Variants in ZNF695 observed in about 807,000 individuals in gnomAD.
ZNF695 encodes the protein zinc finger protein SBZF3.
A neutral mutation model predicts 11.2 loss-of-function variants in ZNF695; 11 were observed. The ratio of observed to expected loss-of-function variants is 0.98; its 90% CI spans 0.62 to 1.62. The LOEUF (loss-of-function observed/expected upper bound fraction) is 1.62. Ranked by LOEUF, ZNF695 falls within the 40% of genes most tolerant of loss-of-function variation. The probability of loss-of-function intolerance (pLI) is 0.00; values close to 1 mark genes in which losing one functional copy is unlikely to be tolerated. For synonymous variants in ZNF695, 190 were observed against 201.4 expected (o/e 0.94, Z 0.48); for missense variants, 559 against 590.5 (o/e 0.95, Z 0.55).
At chr1:246,983,826 C>CAAAA (rs1668772228), downstream of ZNF695, among the ~76,000 whole-genome samples, 2 of 150,182 alleles carry the variant, frequency 1.3e-5, no homozygotes, top group Admixed American at 1.3e-4. Context: ...TCAAAACAAA[C>CAAAA]AAACAAACAA....
downstream of ZNF695, among the ~76,000 whole-genome samples, chr1:246,984,115 G>GCA (rs1239764376): frequency 7.5e-6 from 1 of 133,884 alleles, no homozygotes; most frequent in South Asian, 2.3e-4. Flanking sequence ...TTACACCAGT[G>GCA]CACACCAGCC....
chr1:246,983,648 T>C (rs1446329607), downstream of ZNF695, among the ~76,000 whole-genome samples: 1 of 151,800 alleles, frequency 6.6e-6, no homozygotes, highest in Non-Finnish European at 1.5e-5. Flanking sequence ...ATGAACCCCA[T>C]CTTTACTAAA....
At chr1:246,990,108 TGAAGGAAG>T (rs202245310) in intron 3 of ZNF695, among the ~76,000 whole-genome samples, 4 of 122,356 alleles carry the variant, frequency 3.3e-5, no homozygotes, top group East Asian at 2.4e-4. Context: ...AAGGAATGAA[TGAAGGAAG>T]GAAGGAAGGA....
downstream of ZNF695, among the ~76,000 whole-genome samples, chr1:246,984,588 T>C (rs1009366871): frequency 2.0e-5 from 3 of 152,238 alleles, no homozygotes; most frequent in East Asian, 5.8e-4. Flanking sequence ...ACTTCATTTA[T>C]ATGCCAAATA....
At chr1:246,945,717 T>G in exon 6 of ZNF695, 1 of 1,485,428 alleles carries the variant, frequency 6.7e-7, no homozygotes, top group Non-Finnish European at 9.2e-7. Flanking sequence ...CTGACGCAGC[T>G]GGACCCGGTG....
At chr1:246,989,803 G>A (rs1043597727) in intron 3 of ZNF695, among the ~76,000 whole-genome samples, 5 of 152,202 alleles carry the variant, frequency 3.3e-5, no homozygotes, top group African/African-American at 2.4e-5. Flanking sequence ...AGATCGTTTG[G>A]GCTTAGGAGT....
At chr1:246,981,584 C>T (rs1024753413), downstream of ZNF695, among the ~76,000 whole-genome samples, 5 of 152,138 alleles carry the variant, frequency 3.3e-5, no homozygotes, top group Admixed American at 2.6e-4. Context: ...GTCATCAGTA[C>T]AGGAACTCAG....
intron 5 of ZNF695, among the ~76,000 whole-genome samples, chr1:246,959,779 C>T (rs1668118251): frequency 6.6e-6 from 1 of 152,120 alleles, no homozygotes; most frequent in Admixed American, 6.6e-5. Context: ...CTTTTTCTTA[C>T]AATGTGCCAC....
At chr1:246,945,783 C>A in exon 6 of ZNF695, 2 of 1,550,286 alleles carry the variant, frequency 1.3e-6, no homozygotes, top group South Asian at 1.2e-5. Flanking sequence ...AGCGACGGAA[C>A]CTCCGCAGGG....
chr1:246,976,558 G>C lies in ZNF695; in HGVS notation c.391-8766C>G, dbSNP rs530080508. Among the ~76,000 whole-genome samples the C allele has an allele frequency of 1.8e-4, 28 of 152,052 alleles. No homozygotes were observed. The South Asian group carries it at 5.6e-3, about 30-fold the overall frequency. On this transcript the variant is annotated intron_variant, in intron 4 of 5. Coordinates refer to the ZNF695 transcript ENST00000487338. Reference sequence around the variant, plus strand: ...ACCTGTAATCCCAGCACTTTGGGAGGCCAAGGCGGGCAGATCACGAGGTGA... The same window carrying C: ...ACCTGTAATCCCAGCACTTTGGGAGCCCAAGGCGGGCAGATCACGAGGTGA...
rs372065018 is a variant in ZNF695, at chr1:246,987,811, A to G, written c.704T>C (p.Val235Ala). 1.4e-5 allele frequency: 23 copies of G among 1,610,338 alleles called. No homozygotes were observed. Among genetic ancestry groups the G allele is most frequent in the African/African-American group, 4.0e-5 (3 of 74,668 alleles). ...TTCACATTTGCAATGTTTCTCTCCA[A>G]CATGAATTCTCTTACAGTCAGTAAA... ...SCFTDCKRIH[V>A]GEKHCKCEEC... The change falls in exon 4 of 4, where the codon GTT (valine) becomes GCT (alanine). Residue 235 changes from valine to alanine, a missense_variant. Physicochemically the swap from Val to Ala is moderately conservative, Grantham distance 64 (BLOSUM62 0). Coordinates refer to ENST00000339986, the MANE Select transcript of ZNF695 (RefSeq NM_020394.5).
At chr1:246,950,702 C>A (rs945156208) in intron 5 of ZNF695, among the ~76,000 whole-genome samples, 2 of 136,860 alleles carry the variant, frequency 1.5e-5, no homozygotes, top group Non-Finnish European at 3.2e-5. Flanking sequence ...AAACAAATGA[C>A]AATTACAGGG....
intron 5 of ZNF695, among the ~76,000 whole-genome samples, chr1:246,956,154 A>AT (rs1177124520): frequency 1.3e-5 from 2 of 150,926 alleles, no homozygotes; most frequent in Non-Finnish European, 3.0e-5. Context: ...GTCCCGGCTA[A>AT]TTTTTTTGCA....
At chr1:246,992,673 C>A (rs543107276) in intron 3 of ZNF695, among the ~76,000 whole-genome samples, 2 of 152,296 alleles carry the variant, frequency 1.3e-5, no homozygotes, top group South Asian at 4.1e-4. Context: ...AATATATACA[C>A]TATGCACCCA....
At chr1:246,959,313 ATATATATATATATATATATATATATAT>A (rs1668101974) in intron 5 of ZNF695, among the ~76,000 whole-genome samples, 1 of 39,478 alleles carries the variant, frequency 2.5e-5, no homozygotes, top group Admixed American at 4.4e-4. Context: ...AAAAAAAAAT[ATATATATATATATATATATATATATAT>A]ATATATATAT....
At chr1:246,956,817 G>T (rs1472861638) in intron 5 of ZNF695, among the ~76,000 whole-genome samples, 2 of 152,090 alleles carry the variant, frequency 1.3e-5, no homozygotes, top group Admixed American at 1.3e-4. Flanking sequence ...AAAGTGCTAG[G>T]ATTACAGGCA....
chr1:246,984,952 T>C (rs1668809980), downstream of ZNF695, among the ~76,000 whole-genome samples: 2 of 152,210 alleles, frequency 1.3e-5, no homozygotes, highest in Admixed American at 1.3e-4. Flanking sequence ...AGGAATTTCA[T>C]GTGGAAATTC....
intron 4 of ZNF695, among the ~76,000 whole-genome samples, chr1:246,972,001 G>A (rs1273193910): frequency 6.6e-6 from 1 of 152,192 alleles, no homozygotes; most frequent in Non-Finnish European, 1.5e-5. Context: ...CTCCCAAAGT[G>A]CTGGGATTGC....
At chr1:247,006,630 A>T (rs1669550465) in intron 1 of ZNF695, among the ~76,000 whole-genome samples, 1 of 152,228 alleles carries the variant, frequency 6.6e-6, no homozygotes, top group African/African-American at 2.4e-5. Flanking sequence ...AAAAAAAATA[A>T]ATAAATAAAA....
Sources: allele counts gnomAD v4.1 joint callset (sites outside exome capture counted in the v4.1 genomes callset), GRCh38; gene constraint gnomAD v4.1.1; transcripts MANE v1.5; gene names NCBI Gene and HGNC (gene_info 2026-07-23, HGNC 2026-07-21).